ANKRD17: variants seen among roughly 807,000 people sequenced by gnomAD.
ANKRD17 encodes the protein ankyrin repeat domain 17, also known as ankyrin repeat domain-containing protein 17.
A neutral mutation model predicts 229.7 loss-of-function variants in ANKRD17; 19 were observed. The observed-to-expected ratio is 0.08, with a 90% CI of 0.06 to 0.12. ANKRD17 has a LOEUF of 0.12. Among genes scored for constraint, ANKRD17 ranks in the 10% least tolerant of loss-of-function variants. The probability of loss-of-function intolerance (pLI) is 1.00; values close to 1 mark genes in which losing one functional copy is unlikely to be tolerated. For missense variants in ANKRD17, 2,176 were observed against 3,176.8 expected (o/e 0.68, Z 7.57); for synonymous variants, 1,112 against 1,146.1 (o/e 0.97, Z 0.60).
chr4:73,234,602 C>T (rs916021260), intron 1 of ANKRD17, among the ~76,000 whole-genome samples: 3 of 152,180 alleles, frequency 2.0e-5, no homozygotes, highest in Admixed American at 1.3e-4. Context: ...AGGTAGGGCA[C>T]GCGTATACGC....
At chr4:73,081,343 G>C (rs1486930308) in intron 30 of ANKRD17, among the ~76,000 whole-genome samples, 1 of 152,132 alleles carries the variant, frequency 6.6e-6, no homozygotes, top group African/African-American at 2.4e-5. Context: ...ATGAGTGAGA[G>C]ACCACAAATC....
chr4:73,154,030 C>T lies in ANKRD17; in HGVS notation c.1084G>A (p.Asp362Asn). 1 of 1,613,136 alleles carries T rather than the reference C, an allele frequency of 6.2e-7. No individual in the cohort carries two copies. Among genetic ancestry groups the T allele is most frequent in the South Asian group, 1.1e-5 (1 of 90,972 alleles). Residue 362 changes from aspartate (D) to asparagine (N), a missense_variant, in exon 6 of 34, where the codon GAC becomes AAC. By Grantham distance (23) the Asp-to-Asn change is conservative. Transcript: ENST00000358602. ...GGGGTATGACCATTTTCATTATGGTCCTCAATACTAGCACCGGATTCCAAG... is the reference window on the plus strand; with the variant it reads ...GGGGTATGACCATTTTCATTATGGTTCTCAATACTAGCACCGGATTCCAAG... Reference protein sequence around the residue: ...VLLESGASIEDHNENGHTPLM... With the variant: ...VLLESGASIENHNENGHTPLM...
intron 1 of ANKRD17, among the ~76,000 whole-genome samples, chr4:73,208,449 A>C (rs754832798): frequency 6.6e-6 from 1 of 152,230 alleles, no homozygotes; most frequent in Non-Finnish European, 1.5e-5. Context: ...AAATGAAATA[A>C]CCAACTTTTA....
At chr4:73,115,531 C>G (rs922226281) in intron 23 of ANKRD17, among the ~76,000 whole-genome samples, 1 of 152,108 alleles carries the variant, frequency 6.6e-6, no homozygotes, top group Non-Finnish European at 1.5e-5. Flanking sequence ...CTCATGCAAT[C>G]CACCTGCCTC....
chr4:73,173,519 G>C (rs1285951197), intron 2 of ANKRD17, among the ~76,000 whole-genome samples: 1 of 152,112 alleles, frequency 6.6e-6, no homozygotes, highest in Non-Finnish European at 1.5e-5. Flanking sequence ...CACAAACTCC[G>C]GCTCTAAGAA....
rs150208780 is a variant in ANKRD17 at position 73,091,355 on chromosome 4, T to C, written c.6273A>G (p.Arg2091=). The change falls in exon 29 of 34, where the codon AGA becomes AGG. Residue 2091 remains arginine (R), a synonymous_variant. Transcript: ENST00000358602. ...CAGAAGAACTGCTGCTGTTTGGAGG[T>C]CTAGTGTTTGTTGTTTCTACTACTG... The part of the protein sequence containing the change: ...SPPVVETTNT[R]PPNSSSSSGS... The C allele has an allele frequency of 1.2e-6, 2 of 1,613,938 alleles. No homozygotes were observed. The highest frequency in any genetic ancestry group is 1.7e-6 in the Non-Finnish European group (2 of 1,180,004).
Position 73,098,459 on chromosome 4 carries a change from A to C in ANKRD17, c.4635T>G (p.Ser1545=). The C allele has an allele frequency of 6.2e-7, 1 of 1,614,180 alleles. No homozygotes were observed. The highest frequency in any genetic ancestry group is 8.5e-7 in the Non-Finnish European group (1 of 1,180,030). Residue 1545 remains serine, a synonymous_variant, in exon 26 of 34, where the codon TCT becomes TCG. Coordinates refer to ENST00000358602, the MANE Select transcript of ANKRD17 (RefSeq NM_032217.5). ...AACCTGCCAAAGTTGTCCAGGTTGC[A>C]GATATACCTATGGTAGTAGTGGTTG... is the stretch of plus-strand genomic sequence containing the variant. The part of the protein sequence containing the change: ...SATTTTTIGI[S]ATWTTLAGSH...
intron 29 of ANKRD17, among the ~76,000 whole-genome samples, chr4:73,087,947 A>G (rs1678422496): frequency 6.6e-6 from 1 of 151,900 alleles, no homozygotes; most frequent in Admixed American, 6.6e-5. Flanking sequence ...AGGAAGCAGC[A>G]AAAGAGAGGA....
chr4:73,232,516 T>C (rs1055048039), intron 1 of ANKRD17, among the ~76,000 whole-genome samples: 1 of 152,214 alleles, frequency 6.6e-6, no homozygotes, highest in Non-Finnish European at 1.5e-5. Flanking sequence ...AAATCGAGCA[T>C]GTAAGCCAGT....
At chr4:73,172,629 T>C (rs893865118) in intron 2 of ANKRD17, among the ~76,000 whole-genome samples, 2 of 152,162 alleles carry the variant, frequency 1.3e-5, no homozygotes, top group Non-Finnish European at 2.9e-5. Flanking sequence ...CACAGTAAGA[T>C]ATAAACAGAA....
intron 1 of ANKRD17, among the ~76,000 whole-genome samples, chr4:73,250,624 A>G (rs1048978878): frequency 4.6e-5 from 7 of 150,766 alleles, no homozygotes; most frequent in African/African-American, 1.5e-4. Context: ...AACAGAAAAA[A>G]AGAGTTGTTT....
At chr4:73,088,732 A>C (rs1219343729) in intron 29 of ANKRD17, among the ~76,000 whole-genome samples, 1 of 152,192 alleles carries the variant, frequency 6.6e-6, no homozygotes, top group Non-Finnish European at 1.5e-5. Context: ...ACCTTCATTA[A>C]ATTTTATTTA....
chr4:73,196,358 C>T lies in ANKRD17; in HGVS notation c.394-18825G>A, dbSNP rs1390348217. 3.9e-5 allele frequency among the ~76,000 whole-genome samples: 6 copies of T among 152,090 alleles called. No individual in the cohort carries two copies. In the East Asian group the frequency reaches 7.7e-4, roughly 20 times the overall value. ...TATCTTATTCTTTCTTCCATTCTGCCTGCTTTGGTTCAATTTGCTCTTCTA... is the reference window on the plus strand; with the variant it reads ...TATCTTATTCTTTCTTCCATTCTGCTTGCTTTGGTTCAATTTGCTCTTCTA... On this transcript the variant is annotated intron_variant, in intron 1 of 33. Transcript: ENST00000358602.
At chr4:73,161,167 C>A in intron 3 of ANKRD17, 25 bp downstream of exon 3, 1 of 1,605,930 alleles carries the variant, frequency 6.2e-7, no homozygotes, top group Non-Finnish European at 8.5e-7. Context: ...TGATTTCATA[C>A]TGATGGCAGC....
intron 24 of ANKRD17, among the ~76,000 whole-genome samples, chr4:73,112,291 C>T (rs939135529): frequency 3.9e-5 from 6 of 152,134 alleles, no homozygotes; most frequent in Admixed American, 2.0e-4. Context: ...AAACTGAGCA[C>T]ACTGTTATAA....
At chr4:73,084,451 AT>A (rs35710035) in intron 30 of ANKRD17, among the ~76,000 whole-genome samples, 110 of 144,892 alleles carry the variant, frequency 7.6e-4, no homozygotes, top group Non-Finnish European at 7.3e-4. Flanking sequence ...TGCAGATGAG[AT>A]TTTTTTTTTT....
At chr4:73,181,212 A>G (rs1735499181) in intron 1 of ANKRD17, among the ~76,000 whole-genome samples, 1 of 152,196 alleles carries the variant, frequency 6.6e-6, no homozygotes, top group Non-Finnish European at 1.5e-5. Flanking sequence ...TGCTATCTTC[A>G]TTGATTTATT....
intron 7 of ANKRD17, among the ~76,000 whole-genome samples, chr4:73,150,684 G>A (rs1024575105): frequency 3.3e-5 from 5 of 152,078 alleles, no homozygotes; most frequent in Admixed American, 2.6e-4. Context: ...TCTCTGAAGG[G>A]AAGATGAGAC....
intron 22 of ANKRD17, among the ~76,000 whole-genome samples, chr4:73,117,570 CAG>C (rs1726126066): frequency 6.6e-6 from 1 of 152,104 alleles, no homozygotes; most frequent in African/African-American, 2.4e-5. Context: ...GTCAAAAATA[CAG>C]AGTCACTGGT....
Sources: gnomAD v4.1 joint callset for allele counts (sites outside exome capture counted in the v4.1 genomes callset) on GRCh38, gnomAD v4.1.1 for gene constraint, MANE v1.5 for transcripts, NCBI Gene and HGNC (gene_info 2026-07-23, HGNC 2026-07-21) for gene names.